The following FBXO38 variants were observed in gnomAD, a reference collection of about 807,000 sequenced individuals.
FBXO38 encodes the protein F-box only protein 38.
Under a neutral mutation model 131.9 loss-of-function variants are expected in FBXO38, and 53 were observed. The observed-to-expected ratio is 0.40, with a 90% CI of 0.32 to 0.51. The LOEUF is 0.51. FBXO38 is among the 20% of genes least tolerant of loss of function. The pLI, the probability that FBXO38 is intolerant of heterozygous loss-of-function variation, is 0.53. For synonymous variants in FBXO38, 452 were observed against 505.6 expected (o/e 0.89, Z 1.42); for missense variants, 1,076 against 1,475.6 (o/e 0.73, Z 4.44).
At chr5:148,416,133 G>GGT in intron 11 of FBXO38, 63 bp downstream of exon 11, 1 of 1,302,832 alleles carries the variant, frequency 7.7e-7, no homozygotes, top group Non-Finnish European at 1.0e-6. Context: ...AACAGCCTGT[G>GGT]ATTTTTTTTT....
intron 3 of FBXO38, 109 bp downstream of exon 3, chr5:148,399,241 G>A: frequency 8.0e-7 from 1 of 1,251,494 alleles, no homozygotes. Context: ...AAGTCACCTT[G>A]TAGGCTGGCA....
At position 148,417,124 on chromosome 5, in the gene FBXO38, A is replaced by G. The variant is rs1753104238; in HGVS notation, c.1538A>G (p.His513Arg). The G allele has an allele frequency of 1.9e-6, 3 of 1,613,760 alleles. No individual in the cohort carries two copies. Among genetic ancestry groups the G allele is most frequent in the African/African-American group, 1.3e-5 (1 of 74,914 alleles). ...NNNANIHDNN[H>R]HHPDDSDEEN... ...AATGCCAACATCCACGACAACAATC[A>G]CCATCATCCAGATGACTCAGACGAG... Residue 513 changes from histidine to arginine, a missense_variant, in exon 12 of 22, where the codon CAC (histidine) becomes CGC (arginine). His to Arg is a conservative substitution (Grantham distance 29, BLOSUM62 0). Coordinates refer to ENST00000340253, the MANE Select transcript of FBXO38 (RefSeq NM_205836.3).
intron 2 of FBXO38, 73 bp from the exon 3 acceptor site, chr5:148,398,925 GA>G (rs530292493): frequency 8.4e-5 from 126 of 1,493,008 alleles, no homozygotes; most frequent in Admixed American, 3.3e-4. Context: ...TTGGAAGAAG[GA>G]AAAAAAAATA....
chr5:148,396,181 T>C (rs937213854), intron 2 of FBXO38, among the ~76,000 whole-genome samples: 1 of 152,286 alleles, frequency 6.6e-6, no homozygotes, highest in South Asian at 2.1e-4. Context: ...ATTAAAATGA[T>C]AGATTTTTTT....
intron 2 of FBXO38, 127 bp from the exon 3 acceptor site, chr5:148,398,872 A>T: frequency 9.1e-7 from 1 of 1,096,870 alleles, no homozygotes; most frequent in Non-Finnish European, 1.3e-6. Context: ...TGGTAGCTTT[A>T]AATCTCTGTC....
chr5:148,441,214 A>G lies in FBXO38; in HGVS notation c.3365A>G (p.Tyr1122Cys). The change falls in exon 21 of 22, where the codon TAC (tyrosine) becomes TGC (cysteine). Residue 1122 changes from tyrosine to cysteine, a missense_variant. By Grantham distance (194) the Tyr-to-Cys change is radical. Coordinates refer to ENST00000340253, the MANE Select transcript of FBXO38 (RefSeq NM_205836.3). ...GCAGAGCCCAACAGCTTCGCTCGAT[A>G]CGACTTTGAAGACGATGAAGAAAGT... ...RAAEPNSFAR[Y>C]DFEDDEESTI... is the part of the protein sequence containing the mutation. 6.2e-7 allele frequency: 1 copy of G among 1,613,548 alleles called. No homozygotes were observed.
At chr5:148,417,396 T>C (rs1753124229) in intron 12 of FBXO38, among the ~76,000 whole-genome samples, 192 bp downstream of exon 12, 1 of 152,146 alleles carries the variant, frequency 6.6e-6, no homozygotes. Context: ...ACTGCTTTTA[T>C]CCACAGACCC....
chr5:148,419,988 A>T (rs556328645), intron 12 of FBXO38, among the ~76,000 whole-genome samples: 1 of 149,688 alleles, frequency 6.7e-6, no homozygotes, highest in Non-Finnish European at 1.5e-5. Context: ...TTGGCAGGAT[A>T]TTATCTTAAG....
chr5:148,398,977 C>A (rs369795857), intron 2 of FBXO38, 22 bp from the exon 3 acceptor site: 2 of 1,612,036 alleles, frequency 1.2e-6, no homozygotes, highest in Admixed American at 1.7e-5. Flanking sequence ...TTGATAAATA[C>A]GAGTTTCTTT....
intron 15 of FBXO38, chr5:148,430,951 T>G (rs1282180948): frequency 6.6e-6 from 1 of 152,204 alleles, no homozygotes; most frequent in African/African-American, 2.4e-5. Flanking sequence ...TTAAACACTT[T>G]CCCTGACACC....
chr5:148,405,700 C>T (rs900175026), intron 6 of FBXO38, among the ~76,000 whole-genome samples: 10 of 152,140 alleles, frequency 6.6e-5, no homozygotes, highest in African/African-American at 1.7e-4. Flanking sequence ...TTTTTGTATG[C>T]GTTCTTCAGG....
intron 10 of FBXO38, 23 bp downstream of exon 10, chr5:148,414,329 G>T: frequency 1.3e-6 from 2 of 1,544,496 alleles, no homozygotes; most frequent in Non-Finnish European, 8.8e-7. Context: ...TAAAAATACA[G>T]CTATGTTTTA....
At chr5:148,408,167 A>G (rs1374977552) in intron 7 of FBXO38, among the ~76,000 whole-genome samples, 2 of 152,256 alleles carry the variant, frequency 1.3e-5, no homozygotes, top group East Asian at 3.8e-4. Context: ...TTGAAACTAC[A>G]GTGTGATATT....
At chr5:148,435,701 C>T (rs961369847) in intron 17 of FBXO38, among the ~76,000 whole-genome samples, 3 of 152,220 alleles carry the variant, frequency 2.0e-5, no homozygotes, top group Admixed American at 6.5e-5. Flanking sequence ...ACCCGGTAGG[C>T]GGGGCTTGCA....
intron 1 of FBXO38, among the ~76,000 whole-genome samples, chr5:148,394,000 C>G (rs1275174429): frequency 6.6e-6 from 1 of 152,112 alleles, no homozygotes; most frequent in African/African-American, 2.4e-5. Flanking sequence ...CTCTTTTCAT[C>G]CTTCTCTAAA....
chr5:148,403,447 A>G (rs1752275645), intron 5 of FBXO38, among the ~76,000 whole-genome samples: 1 of 145,970 alleles, frequency 6.9e-6, no homozygotes, highest in South Asian at 2.1e-4. Flanking sequence ...TCTTCTCTGC[A>G]TCTGTCTCAC....
At chr5:148,441,315 G>C (rs976723843) in intron 21 of FBXO38, 78 bp downstream of exon 21, 1 of 1,048,536 alleles carries the variant, frequency 9.5e-7, no homozygotes, top group Non-Finnish European at 1.5e-6. Context: ...ATCTTTTTGT[G>C]AGTTAGGAGC....
chr5:148,417,590 T>A (rs539599807), intron 12 of FBXO38, among the ~76,000 whole-genome samples: 1 of 152,304 alleles, frequency 6.6e-6, no homozygotes, highest in African/African-American at 2.4e-5. Context: ...AACTGAAAGA[T>A]TAATACCAAC....
At position 148,409,114 on chromosome 5, in the gene FBXO38, TC is replaced by T. The variant is rs1464226560; in HGVS notation, c.869-9del. 1 of 1,562,624 alleles carries T rather than the reference TC, an allele frequency of 6.4e-7. No homozygotes were observed. Among genetic ancestry groups the T allele is most frequent in the South Asian group, 1.1e-5 (1 of 89,974 alleles). ...ATGGTCAAACACTTGTTTTTGTTCC[TC>T]GTCTTTAGGTGGTTTTAGAAATTTG... is the stretch of plus-strand genomic sequence containing the variant. On this transcript the variant is annotated splice_polypyrimidine_tract_variant and intron_variant, in intron 7 of 21. Transcript: ENST00000340253.
Sources: allele counts gnomAD v4.1 joint callset (sites outside exome capture counted in the v4.1 genomes callset), GRCh38; gene constraint gnomAD v4.1.1; transcripts MANE v1.5; gene names NCBI Gene and HGNC (gene_info 2026-07-23, HGNC 2026-07-21).